ZMYM2: variants seen among roughly 807,000 people sequenced by gnomAD.
The protein encoded by ZMYM2 is zinc finger MYM-type protein 2.
A neutral mutation model predicts 162.8 loss-of-function variants in ZMYM2; 56 were observed. The observed-to-expected ratio is 0.34, with a 90% confidence interval of 0.28 to 0.43. ZMYM2 has a LOEUF of 0.43. Among genes scored for constraint, ZMYM2 ranks in the 20% least tolerant of loss-of-function variants. The probability of loss-of-function intolerance (pLI) is 1.00; values close to 1 mark genes in which losing one functional copy is unlikely to be tolerated. For missense variants in ZMYM2, 1,275 were observed against 1,621.8 expected (o/e 0.79, Z 3.67); for synonymous variants, 510 against 541.6 (o/e 0.94, Z 0.81).
rs1566419232 is a variant in ZMYM2 at position 20,058,614 on chromosome 13, A to G, written c.2533A>G (p.Met845Val). Residue 845 changes from methionine to valine, a missense_variant, in exon 15 of 25, where the codon ATG becomes GTG. Coordinates refer to ENST00000610343, the MANE Select transcript of ZMYM2 (RefSeq NM_197968.4). Reference protein sequence around the residue: ...PPPSPTPNKEMKNKAVLCKPL... With the variant: ...PPPSPTPNKEVKNKAVLCKPL... ...CCCTTCTCCAACACCTAACAAAGAG[A>G]TGAAGAACAAAGCAGTTCTTTGCAA... The G allele has an allele frequency of 6.2e-7, 1 of 1,613,806 alleles. No individual in the cohort carries two copies. Among genetic ancestry groups the G allele is most frequent in the Non-Finnish European group, 8.5e-7 (1 of 1,179,786 alleles).
At chr13:19,978,404 TA>T in intron 2 of ZMYM2, among the ~76,000 whole-genome samples, 1 of 152,214 alleles carries the variant, frequency 6.6e-6, no homozygotes, top group South Asian at 2.1e-4. Context: ...AATATAAATT[TA>T]AAATTACTGT....
the ZMYM2 span, among the ~76,000 whole-genome samples, chr13:19,911,034 A>G: frequency 1.4e-5 from 2 of 145,332 alleles, no homozygotes; most frequent in African/African-American, 5.0e-5. Context: ...CCCTTTAGTC[A>G]GTTCCCAGTC....
At chr13:20,027,454 A>C in intron 9 of ZMYM2, 136 bp downstream of exon 9, 1 of 630,180 alleles carries the variant, frequency 1.6e-6, no homozygotes, top group Non-Finnish European at 2.5e-6. Flanking sequence ...TGGATATCCT[A>C]GTCACAGAAT....
chr13:20,062,408 A>G (rs576579840), intron 17 of ZMYM2, among the ~76,000 whole-genome samples: 59 of 152,340 alleles, frequency 3.9e-4, no homozygotes, highest in African/African-American at 1.4e-3. Flanking sequence ...CTTGAAAGCA[A>G]CTGATCGAAC....
At chr13:19,986,599 A>T (rs182252555) in intron 2 of ZMYM2, among the ~76,000 whole-genome samples, 1 of 152,296 alleles carries the variant, frequency 6.6e-6, no homozygotes, top group East Asian at 1.9e-4. Context: ...TAACATTTCT[A>T]TTACAGAAAG....
At chr13:20,077,537 T>C (rs1160532883) in intron 21 of ZMYM2, among the ~76,000 whole-genome samples, 2 of 144,658 alleles carry the variant, frequency 1.4e-5, no homozygotes. Flanking sequence ...TCTACCTAAG[T>C]ATATACAATG....
At chr13:19,913,326 G>A in the ZMYM2 span, among the ~76,000 whole-genome samples, 2 of 152,076 alleles carry the variant, frequency 1.3e-5, no homozygotes, top group South Asian at 4.1e-4. Flanking sequence ...TATCCATTAT[G>A]AATTAGGTGT....
intron 2 of ZMYM2, among the ~76,000 whole-genome samples, chr13:19,985,759 C>T (rs1393648340): frequency 6.6e-6 from 1 of 151,818 alleles, no homozygotes; most frequent in African/African-American, 2.4e-5. Flanking sequence ...GCCTGTAGTC[C>T]CAGCTACTCG....
intron 7 of ZMYM2, among the ~76,000 whole-genome samples, chr13:20,022,750 ATTATC>A (rs1566320741): frequency 6.6e-6 from 1 of 152,110 alleles, no homozygotes; most frequent in Non-Finnish European, 1.5e-5. Context: ...TTTACTTGAA[ATTATC>A]TTATTTAGTA....
Position 20,089,056 on chromosome 13 carries a change from A to G in ZMYM2, c.*3042A>G, listed in dbSNP as rs980836641. On this transcript the variant is annotated 3_prime_UTR_variant, in exon 25 of 25. Coordinates refer to ENST00000610343, the MANE Select transcript of ZMYM2 (RefSeq NM_197968.4). ...GTAGGATAATCTCCTTGTTCCCCTC[A>G]AAATAGTCATGAAAGTGTACATGAA... is the stretch of plus-strand genomic sequence containing the variant. The G allele has an allele frequency of 3.5e-5, 7 of 197,718 alleles. No individual in the cohort carries two copies. Among genetic ancestry groups the G allele is most frequent in the Non-Finnish European group, 5.2e-5 (5 of 95,350 alleles). 12.2% of individuals were successfully genotyped at this position (197,718 alleles called of 1,614,324 possible). A position where few individuals can be genotyped will look rare whatever the true frequency, so the allele number is the denominator to read the frequency against.
At chr13:20,083,293 C>T (rs1414092050) in intron 23 of ZMYM2, among the ~76,000 whole-genome samples, 1 of 152,174 alleles carries the variant, frequency 6.6e-6, no homozygotes, top group African/African-American at 2.4e-5. Context: ...AACTCCCGAC[C>T]TCAGGTGATC....
chr13:20,061,193 C>T lies in ZMYM2; in HGVS notation c.2880C>T (p.Asp960=), dbSNP rs767540631. The change falls in exon 17 of 25, where the codon GAC becomes GAT. Residue 960 remains aspartate, a synonymous_variant. Coordinates refer to ENST00000610343, the MANE Select transcript of ZMYM2 (RefSeq NM_197968.4). ...CAATGACGGATATGATGAGTGAAGACGAGGGGAAAACAGAGACAACCAACA... is the reference window on the plus strand; with the variant it reads ...CAATGACGGATATGATGAGTGAAGATGAGGGGAAAACAGAGACAACCAACA... ...LLTMTDMMSE[D]EGKTETTNIN... 1.9e-5 allele frequency: 30 copies of T among 1,613,504 alleles called. No individual in the cohort carries two copies. Among genetic ancestry groups the T allele is most frequent in the South Asian group, 1.6e-4 (15 of 91,006 alleles).
chr13:20,039,560 G>A (rs1306624078), intron 12 of ZMYM2, among the ~76,000 whole-genome samples: 3 of 145,574 alleles, frequency 2.1e-5, no homozygotes, highest in South Asian at 2.4e-4. Flanking sequence ...TGCAAGCTCC[G>A]CCTCCCAGGT....
At chr13:19,968,352 C>T (rs1315133868) in intron 2 of ZMYM2, among the ~76,000 whole-genome samples, 1 of 152,156 alleles carries the variant, frequency 6.6e-6, no homozygotes, top group African/African-American at 2.4e-5. Flanking sequence ...AAGCGATTCT[C>T]CTGCCTCAAC....
Position 20,005,535 on chromosome 13 carries a change from T to A in ZMYM2, c.1299+296T>A, listed in dbSNP as rs546023260. 1.1e-3 allele frequency among the ~76,000 whole-genome samples: 169 copies of A among 152,210 alleles called. 1 individual carries two copies. The Middle Eastern group carries it at 0.017, about 15-fold the overall frequency. ...ACAAAACCATAGTGTTGAGGTTGATTTTTGTCTAGTAATATATTTATTTAA... is the reference window on the plus strand; with the variant it reads ...ACAAAACCATAGTGTTGAGGTTGATATTTGTCTAGTAATATATTTATTTAA... On this transcript the variant is annotated intron_variant, in intron 5 of 24. Transcript: ENST00000610343.
chr13:20,042,171 TC>T (rs1424473437), intron 12 of ZMYM2, among the ~76,000 whole-genome samples: 1 of 152,180 alleles, frequency 6.6e-6, no homozygotes, highest in African/African-American at 2.4e-5. Context: ...GCTTATACTC[TC>T]CCCATCTCTT....
In ZMYM2 at chr13:20,014,051, C is replaced by T. The variant is rs1039216070; in HGVS notation, c.1513-5496C>T. Among the ~76,000 whole-genome samples, 7 of 151,924 alleles carry T rather than the reference C, an allele frequency of 4.6e-5. No homozygotes were observed. In the South Asian group the frequency reaches 6.2e-4, roughly 14 times the overall value. ...TACCTGTGAAGTCATCTGATCTTGGCCTTCTCTTTTTTGGGACTTTTTGTT... is the reference window on the plus strand; with the variant it reads ...TACCTGTGAAGTCATCTGATCTTGGTCTTCTCTTTTTTGGGACTTTTTGTT... On this transcript the variant is annotated intron_variant, in intron 6 of 24. Transcript: ENST00000610343.
chr13:19,922,569 A>G, the ZMYM2 span, among the ~76,000 whole-genome samples: 113,200 of 152,066 alleles, frequency 0.74, 43,022 homozygotes, highest in East Asian at 0.84. Context: ...GGTTGGCCGG[A>G]TGTCGTGGCT....
chr13:19,894,828 C>T, the ZMYM2 span, among the ~76,000 whole-genome samples: 89 of 151,746 alleles, frequency 5.9e-4, no homozygotes, highest in Middle Eastern at 3.4e-3. Flanking sequence ...CAGTGGCTCA[C>T]GCCTGTAATC....
Sources: allele counts gnomAD v4.1 joint callset (sites outside exome capture counted in the v4.1 genomes callset), GRCh38; gene constraint gnomAD v4.1.1; transcripts MANE v1.5; gene names NCBI Gene and HGNC (gene_info 2026-07-23, HGNC 2026-07-21).